Variants in GOLPH3 observed in about 807,000 individuals in gnomAD.
GOLPH3 encodes the protein golgi phosphoprotein 3, also known as coat protein GPP34.
GOLPH3 carries 14 observed loss-of-function variants against 28.5 expected under a neutral mutation model. The ratio of observed to expected loss-of-function variants is 0.49; its 90% CI spans 0.32 to 0.77. GOLPH3 has a LOEUF of 0.77. Among genes scored for constraint, GOLPH3 ranks in the 30% least tolerant of loss-of-function variants. The pLI is 0.03. For synonymous variants in GOLPH3, 158 were observed against 159.2 expected (o/e 0.99, Z 0.06); for missense variants, 350 against 393.7 (o/e 0.89, Z 0.94).
intron 3 of GOLPH3, among the ~76,000 whole-genome samples, chr5:32,133,786 C>T (rs1351434155): frequency 6.6e-6 from 1 of 151,962 alleles, no homozygotes; most frequent in Non-Finnish European, 1.5e-5. Context: ...CCAAACAAGC[C>T]CTCATCAAAT....
chr5:32,166,444 G>C (rs139321475), intron 1 of GOLPH3, among the ~76,000 whole-genome samples: 132 of 152,252 alleles, frequency 8.7e-4, no homozygotes, highest in African/African-American at 3.2e-3. Flanking sequence ...TTTGATAAGA[G>C]AAACCTGAAG....
chr5:32,171,380 G>A (rs1260670131), intron 1 of GOLPH3, among the ~76,000 whole-genome samples: 2 of 152,034 alleles, frequency 1.3e-5, no homozygotes, highest in African/African-American at 4.8e-5. Context: ...CATTTGGCCC[G>A]CGGGTTGGAA....
chr5:32,167,678 T>G (rs1310940379), intron 1 of GOLPH3, among the ~76,000 whole-genome samples: 1 of 147,096 alleles, frequency 6.8e-6, no homozygotes, highest in East Asian at 2.0e-4. Context: ...AGACCAGGCG[T>G]GGTGGCTCAC....
intron 2 of GOLPH3, among the ~76,000 whole-genome samples, chr5:32,142,068 G>A (rs534866697): frequency 4.4e-4 from 66 of 150,234 alleles, no homozygotes; most frequent in African/African-American, 1.5e-3. Context: ...GCTGCCCATC[G>A]TCTGGGATGT....
intron 1 of GOLPH3, among the ~76,000 whole-genome samples, chr5:32,166,121 T>G (rs945061734): frequency 1.3e-5 from 2 of 152,240 alleles, no homozygotes; most frequent in Admixed American, 6.5e-5. Context: ...TCAGCTCTGT[T>G]CACTCCAATT....
At chr5:32,141,776 A>G (rs1283255156) in intron 2 of GOLPH3, among the ~76,000 whole-genome samples, 5 of 151,744 alleles carry the variant, frequency 3.3e-5, no homozygotes, top group Non-Finnish European at 4.4e-5. Context: ...TGGTTTTCGT[A>G]TTTTTTTGGT....
intron 3 of GOLPH3, among the ~76,000 whole-genome samples, chr5:32,128,663 C>A (rs766764842): frequency 6.6e-6 from 1 of 151,968 alleles, no homozygotes; most frequent in African/African-American, 2.4e-5. Flanking sequence ...CTCCATCTCA[C>A]AATTTAAAAA....
intron 3 of GOLPH3, among the ~76,000 whole-genome samples, chr5:32,127,465 T>C (rs975883171): frequency 5.3e-5 from 8 of 152,226 alleles, no homozygotes; most frequent in African/African-American, 1.9e-4. Flanking sequence ...AAGGTCGAGA[T>C]TTTCTAATAC....
At chr5:32,164,720 G>A (rs76903730) in intron 1 of GOLPH3, among the ~76,000 whole-genome samples, 3,214 of 151,676 alleles carry the variant, frequency 0.021, 58 homozygotes, top group East Asian at 0.056. Flanking sequence ...TCACTACCAC[G>A]CCCAGAACCA....
intron 3 of GOLPH3, among the ~76,000 whole-genome samples, chr5:32,130,698 C>T (rs1745809034): frequency 1.3e-5 from 2 of 152,042 alleles, no homozygotes; most frequent in Admixed American, 1.3e-4. Context: ...CACTCCCCAC[C>T]CAAAAAAAAC....
intron 3 of GOLPH3, among the ~76,000 whole-genome samples, chr5:32,134,159 C>A (rs1745883832): frequency 6.6e-6 from 1 of 152,112 alleles, no homozygotes; most frequent in Non-Finnish European, 1.5e-5. Flanking sequence ...CACTGGAGGC[C>A]AGGAGCTCAA....
intron 1 of GOLPH3, among the ~76,000 whole-genome samples, chr5:32,161,125 G>A (rs896931972): frequency 1.3e-5 from 2 of 149,022 alleles, no homozygotes; most frequent in Non-Finnish European, 2.9e-5. Flanking sequence ...AGGTGAGGCT[G>A]GGCCCGGTGG....
chr5:32,158,091 AAAATAAATAAATAAAT>A lies in GOLPH3; in HGVS notation c.226-14227_226-14212del, dbSNP rs371590080. On this transcript the variant is annotated intron_variant, in intron 1 of 3. Transcript: ENST00000265070. ...CAAAATCAGCTTTAAACTCTGTCTCAAAATAAATAAATAAATAAATAAATAAATAAATAAATAAAAT... is the reference window on the plus strand; with the variant it reads ...CAAAATCAGCTTTAAACTCTGTCTCAAAATAAATAAATAAATAAATAAAAT... Among the ~76,000 whole-genome samples, 199 of 43,288 alleles carry A rather than the reference AAAATAAATAAATAAAT, an allele frequency of 4.6e-3. 8 individuals carry two copies. The highest frequency in any genetic ancestry group is 0.013 in the Middle Eastern group (1 of 78). 28.4% of individuals were successfully genotyped at this position (43,288 alleles called of 152,430 possible).
chr5:32,144,835 T>C (rs894610241), intron 1 of GOLPH3, among the ~76,000 whole-genome samples: 50 of 152,202 alleles, frequency 3.3e-4, no homozygotes, highest in Admixed American at 3.3e-3. Flanking sequence ...CAGGACACTT[T>C]AACAGCAAAC....
intron 1 of GOLPH3, among the ~76,000 whole-genome samples, chr5:32,173,192 C>G (rs954328298): frequency 1.3e-5 from 2 of 152,092 alleles, no homozygotes; most frequent in African/African-American, 4.8e-5. Context: ...AAAATAATCT[C>G]TCACCTAATG....
intron 1 of GOLPH3, among the ~76,000 whole-genome samples, chr5:32,162,971 G>C (rs1366950386): frequency 6.6e-6 from 1 of 151,872 alleles, no homozygotes. Context: ...CCAGCTACTC[G>C]GGAGGCTGAG....
intron 1 of GOLPH3, among the ~76,000 whole-genome samples, chr5:32,148,551 A>G (rs1208531731): frequency 6.6e-6 from 1 of 152,148 alleles, no homozygotes; most frequent in East Asian, 1.9e-4. Context: ...TAATCCCAGC[A>G]CTTTGGGAGG....
chr5:32,147,749 A>G (rs1307804608), intron 1 of GOLPH3, among the ~76,000 whole-genome samples: 1 of 152,206 alleles, frequency 6.6e-6, no homozygotes, highest in Non-Finnish European at 1.5e-5. Context: ...GACAGAGGCA[A>G]AACACTAGAA....
intron 1 of GOLPH3, among the ~76,000 whole-genome samples, chr5:32,166,608 G>A (rs1016157071): frequency 1.3e-5 from 2 of 152,122 alleles, no homozygotes; most frequent in African/African-American, 4.8e-5. Context: ...AAGAGTTCGA[G>A]ACCAGCCTGG....
Sources: allele counts gnomAD v4.1 joint callset (sites outside exome capture counted in the v4.1 genomes callset), GRCh38; gene constraint gnomAD v4.1.1; transcripts MANE v1.5; gene names NCBI Gene and HGNC (gene_info 2026-07-23, HGNC 2026-07-21).